The following CATSPERE variants were observed in gnomAD, a reference collection of about 807,000 sequenced individuals.
CATSPERE encodes cation channel sperm-associated auxiliary subunit epsilon.
CATSPERE carries 93 observed loss-of-function variants against 114.1 expected under a neutral mutation model. The ratio of observed to expected loss-of-function variants is 0.81; its 90% CI spans 0.69 to 0.97. The LOEUF (loss-of-function observed/expected upper bound fraction) is 0.97. Ranked by LOEUF, CATSPERE falls within the 50% of genes least tolerant of loss-of-function variation. The probability of loss-of-function intolerance (pLI) is 0.00; values close to 1 mark genes in which losing one functional copy is unlikely to be tolerated. For missense variants in CATSPERE, 1,058 were observed against 1,131.6 expected (o/e 0.93, Z 0.93); for synonymous variants, 341 against 384.1 (o/e 0.89, Z 1.31).
chr1:244,451,510 A>T (rs1435672921), upstream of CATSPERE: 1 of 1,050,794 alleles, frequency 9.5e-7, no homozygotes, highest in Non-Finnish European at 1.3e-6. The surrounding 1 kb of genome is among the most constrained non-coding windows in gnomAD (Gnocchi z 6.6). Flanking sequence ...AGGAGGAGAG[A>T]GCCTCAAGGT....
intron 7 of CATSPERE, among the ~76,000 whole-genome samples, chr1:244,513,678 G>A (rs1191358318): frequency 6.6e-6 from 1 of 152,110 alleles, no homozygotes; most frequent in Non-Finnish European, 1.5e-5. Context: ...ATAGCATGCT[G>A]GGGCACTGGT....
In CATSPERE at chr1:244,504,785, C is replaced by G. The variant is rs1674572287; in HGVS notation, c.429+5706C>G. 6.6e-6 allele frequency among the ~76,000 whole-genome samples: 1 copy of G among 152,244 alleles called. No individual in the cohort carries two copies. The highest frequency in any genetic ancestry group is 2.1e-4 in the South Asian group (1 of 4,838). On this transcript the variant is annotated intron_variant, in intron 7 of 21. Coordinates refer to ENST00000366534, the MANE Select transcript of CATSPERE (RefSeq NM_001130957.2). The surrounding 1 kb of genome is among the most constrained non-coding windows in gnomAD (Gnocchi z 4.1). The stretch of plus-strand genomic sequence containing the variant: ...GCGCATACAATCATATGATGTGTCG[C>G]TGCTGATGTTTGCGTTCATCACCTG...
intron 14 of CATSPERE, among the ~76,000 whole-genome samples, chr1:244,590,877 G>A (rs1039684560): frequency 2.9e-4 from 44 of 152,170 alleles, no homozygotes; most frequent in African/African-American, 9.9e-4. Flanking sequence ...TCTGGCTTTT[G>A]TGAATAGTGC....
intron 10 of CATSPERE, among the ~76,000 whole-genome samples, chr1:244,571,116 T>A (rs549897087): frequency 6.6e-6 from 1 of 152,356 alleles, no homozygotes; most frequent in Admixed American, 6.5e-5. Flanking sequence ...ACTTTTTTAT[T>A]CAGCATGGAA....
rs1455049893 is a variant in CATSPERE, at chr1:244,572,602, C to T, written c.1780C>T (p.His594Tyr). The T allele has an allele frequency of 6.2e-7, 1 of 1,613,914 alleles. No individual in the cohort carries two copies. Among genetic ancestry groups the T allele is most frequent in the African/African-American group, 1.3e-5 (1 of 74,902 alleles). Residue 594 changes from histidine (H) to tyrosine (Y), a missense_variant, in exon 11 of 22, where the codon CAT becomes TAT. Around this residue, in one of 2 missense-constraint regions of CATSPERE, gnomAD observed 787 missense variants for 905.6 expected, o/e 0.87. Transcript: ENST00000366534. ...CATGGCATTTCATAACAATGTTGCT[C>T]ATGTTTTTTACTTTTTGGACAAGGG... ...PYMAFHNNVA[H>Y]VFYFLDKGEA...
intron 5 of CATSPERE, among the ~76,000 whole-genome samples, chr1:244,485,625 C>T (rs1182437333): frequency 6.6e-6 from 1 of 151,060 alleles, no homozygotes; most frequent in Admixed American, 6.6e-5. Flanking sequence ...CGTTGTGATT[C>T]ATTCTTGGTT....
chr1:244,621,529 C>G (rs1425181037), intron 20 of CATSPERE, among the ~76,000 whole-genome samples: 1 of 151,276 alleles, frequency 6.6e-6, no homozygotes, highest in African/African-American at 2.4e-5. Context: ...GCTTTAAGCT[C>G]AAGCCTCAGA....
intron 8 of CATSPERE, among the ~76,000 whole-genome samples, chr1:244,547,319 AC>A (rs1659909508): frequency 6.6e-6 from 1 of 152,184 alleles, no homozygotes; most frequent in Non-Finnish European, 1.5e-5. Flanking sequence ...TACAAGAAAT[AC>A]TAAAAGGAGT....
At chr1:244,522,199 C>G (rs920300496) in intron 8 of CATSPERE, among the ~76,000 whole-genome samples, 4 of 152,128 alleles carry the variant, frequency 2.6e-5, no homozygotes, top group African/African-American at 9.7e-5. Flanking sequence ...AACCGCTCAA[C>G]TACATGGAAA....
intron 5 of CATSPERE, among the ~76,000 whole-genome samples, chr1:244,481,706 T>G (rs1386577676): frequency 6.6e-6 from 1 of 152,084 alleles, no homozygotes; most frequent in Non-Finnish European, 1.5e-5. Flanking sequence ...AGTGGTTAGG[T>G]CATGAGGGTA....
chr1:244,540,186 G>T lies in CATSPERE; in HGVS notation c.537-12136G>T, dbSNP rs894892196. Among the ~76,000 whole-genome samples the T allele has an allele frequency of 4.0e-4, 60 of 151,348 alleles. 1 individual carries two copies. The highest frequency in any genetic ancestry group is 8.8e-5 in the Non-Finnish European group (6 of 67,944). On this transcript the variant is annotated intron_variant, in intron 8 of 21. Transcript: ENST00000366534. ...AATTAGGCAGGAGAAGGAAATAAAGGGTATTAAATTGGGAAAAGAGGAAGT... is the reference window on the plus strand; with the variant it reads ...AATTAGGCAGGAGAAGGAAATAAAGTGTATTAAATTGGGAAAAGAGGAAGT...
intron 7 of CATSPERE, among the ~76,000 whole-genome samples, chr1:244,506,954 T>C (rs951879158): frequency 6.6e-6 from 1 of 152,138 alleles, no homozygotes; most frequent in Non-Finnish European, 1.5e-5. Flanking sequence ...TTCAACTCTC[T>C]GCCTCCATGA....
At chr1:244,483,161 G>T (rs1162807370) in intron 5 of CATSPERE, among the ~76,000 whole-genome samples, 1 of 152,132 alleles carries the variant, frequency 6.6e-6, no homozygotes, top group African/African-American at 2.4e-5. Flanking sequence ...GTAATCTGAG[G>T]ATCAGCAGCA....
At chr1:244,540,624 A>G (rs1301597613) in intron 8 of CATSPERE, among the ~76,000 whole-genome samples, 1 of 149,532 alleles carries the variant, frequency 6.7e-6, no homozygotes, top group African/African-American at 2.5e-5. Flanking sequence ...CAAGCTACCA[A>G]TGACTTTCTT....
chr1:244,556,241 C>T lies in CATSPERE; in HGVS notation c.1029+3427C>T, dbSNP rs548578005. Among the ~76,000 whole-genome samples, 114 of 151,368 alleles carry T rather than the reference C, an allele frequency of 7.5e-4. 1 individual carries two copies. The highest frequency in any genetic ancestry group is 2.7e-3 in the African/African-American group (110 of 41,220). On this transcript the variant is annotated intron_variant, in intron 9 of 21. Coordinates refer to ENST00000366534, the MANE Select transcript of CATSPERE (RefSeq NM_001130957.2). ...AAATTTAAGTGGATGTATTGTAACC[C>T]TGATAGCAACCACTAAAAAAATTTA...
intron 11 of CATSPERE, among the ~76,000 whole-genome samples, chr1:244,579,529 A>C (rs1303925745): frequency 6.6e-6 from 1 of 152,176 alleles, no homozygotes; most frequent in Non-Finnish European, 1.5e-5. Flanking sequence ...AATCTCCAAA[A>C]AACTTTCCAG....
chr1:244,623,966 G>C (rs902535527), intron 20 of CATSPERE, among the ~76,000 whole-genome samples: 13 of 151,710 alleles, frequency 8.6e-5, no homozygotes, highest in African/African-American at 3.1e-4. Context: ...GGCTGTGGCA[G>C]TTTCTTTTTT....
Position 244,634,428 on chromosome 1 carries a change from T to A in CATSPERE, c.2649-1061T>A, listed in dbSNP as rs531580777. ...CTAACTTTGCCAAGCACATAACAAATAATAAAAATAAGTTCCTTTCTTCTG... is the reference window on the plus strand; with the variant it reads ...CTAACTTTGCCAAGCACATAACAAAAAATAAAAATAAGTTCCTTTCTTCTG... On this transcript the variant is annotated intron_variant, in intron 20 of 21. Transcript: ENST00000366534. 2.0e-5 allele frequency among the ~76,000 whole-genome samples: 3 copies of A among 152,316 alleles called. 1 individual carries two copies. The South Asian group carries it at 6.2e-4, about 32-fold the overall frequency.
At chr1:244,610,178 C>T (rs1009079961) in intron 18 of CATSPERE, 62 bp from the exon 19 acceptor site, 4 of 1,065,112 alleles carry the variant, frequency 3.8e-6, no homozygotes, top group African/African-American at 1.6e-5. Flanking sequence ...ACATTAAATA[C>T]TTAGGAATAA....
Sources: gnomAD v4.1 joint callset for allele counts (sites outside exome capture counted in the v4.1 genomes callset) on GRCh38, gnomAD v4.1.1 for gene constraint, gnomAD v4.1.1 regional missense constraint, Gnocchi (gnomAD v3.1) non-coding constraint, MANE v1.5 for transcripts, NCBI Gene and HGNC (gene_info 2026-07-23, HGNC 2026-07-21) for gene names.